Variants in ADGRL2 observed in about 807,000 individuals in gnomAD.
ADGRL2 encodes adhesion G protein-coupled receptor L2, also known as calcium-independent alpha-latrotoxin receptor 2.
ADGRL2 carries 44 observed loss-of-function variants against 157.4 expected under a neutral mutation model. The ratio of observed to expected loss-of-function variants is 0.28; its 90% CI spans 0.22 to 0.36. The LOEUF (loss-of-function observed/expected upper bound fraction) is 0.36, where lower values mean the gene tolerates loss of function less well. Among genes scored for constraint, ADGRL2 ranks in the 10% least tolerant of loss-of-function variants. The pLI, the probability that ADGRL2 is intolerant of heterozygous loss-of-function variation, is 1.00. For missense variants in ADGRL2, 1,510 were observed against 1,768.9 expected (o/e 0.85, Z 2.63); for synonymous variants, 585 against 624.7 (o/e 0.94, Z 0.95).
At chr1:81,987,411 A>T (rs1177728529) in intron 22 of ADGRL2, 1 of 940,540 alleles carries the variant, frequency 1.1e-6, no homozygotes, top group South Asian at 1.3e-5. Flanking sequence ...TTCTGGAATG[A>T]ATTAGCTAAT....
intron 3 of ADGRL2, among the ~76,000 whole-genome samples, chr1:81,607,101 G>A (rs568854022): frequency 2.3e-4 from 35 of 151,976 alleles, no homozygotes; most frequent in African/African-American, 8.4e-4. Flanking sequence ...TTGAATCCTG[G>A]TTATAATACC....
rs111420385 is a variant in ADGRL2, at chr1:81,404,741, T to A, written c.-301-40295T>A. On this transcript the variant is annotated intron_variant, in intron 1 of 24. Coordinates refer to the ADGRL2 transcript ENST00000370721. ...ACTAATACATTTCTCCAGGTGGAGA[T>A]TTAGATCTCTTCTTCCTTTTCCTTC... Among the ~76,000 whole-genome samples the A allele has an allele frequency of 1.1e-3, 172 of 152,324 alleles. 1 individual carries two copies. The highest frequency in any genetic ancestry group is 3.9e-3 in the African/African-American group (163 of 41,588).
chr1:81,511,886 G>A (rs1471929006), intron 2 of ADGRL2, among the ~76,000 whole-genome samples: 1 of 152,030 alleles, frequency 6.6e-6, no homozygotes, highest in Non-Finnish European at 1.5e-5. Context: ...TCAGTAAAGG[G>A]TGAGAAGTTG....
At chr1:81,427,050 A>C (rs1274045631) in intron 1 of ADGRL2, 3 of 1,299,406 alleles carry the variant, frequency 2.3e-6, no homozygotes, top group South Asian at 2.4e-5. Context: ...GAAATACCAC[A>C]CTATTAATGG....
At chr1:81,695,358 G>A (rs2083421656), upstream of ADGRL2, among the ~76,000 whole-genome samples, 1 of 151,896 alleles carries the variant, frequency 6.6e-6, no homozygotes, top group South Asian at 2.1e-4. Flanking sequence ...CACTGGAATA[G>A]TAAAAATTAC....
intron 2 of ADGRL2, among the ~76,000 whole-genome samples, chr1:81,580,143 C>G (rs1010771900): frequency 6.6e-6 from 1 of 152,090 alleles, no homozygotes; most frequent in African/African-American, 2.4e-5. Context: ...CCAGACTTAA[C>G]CATAGAGAAG....
intron 2 of ADGRL2, among the ~76,000 whole-genome samples, chr1:81,456,552 A>G (rs1230346092): frequency 6.6e-6 from 1 of 151,976 alleles, no homozygotes; most frequent in Admixed American, 6.6e-5. Context: ...TTTTTATTCA[A>G]GTCATTATTT....
chr1:81,764,874 G>C (rs951705008), intron 2 of ADGRL2, among the ~76,000 whole-genome samples: 2 of 152,030 alleles, frequency 1.3e-5, no homozygotes, highest in African/African-American at 4.8e-5. Context: ...AACATTGAGA[G>C]ACTTGGAGTC....
chr1:81,976,750 C>T (rs183653196), intron 17 of ADGRL2, among the ~76,000 whole-genome samples: 260 of 151,858 alleles, frequency 1.7e-3, no homozygotes, highest in Admixed American at 3.3e-3. Flanking sequence ...GGAGTAGAAG[C>T]GTGGCCAATT....
chr1:81,771,454 T>C (rs949455356), intron 2 of ADGRL2, among the ~76,000 whole-genome samples: 2 of 152,172 alleles, frequency 1.3e-5, no homozygotes, highest in Non-Finnish European at 2.9e-5. Context: ...AAAATAGATA[T>C]ATCCTTATCA....
chr1:81,392,125 G>A (rs990333360), intron 1 of ADGRL2, among the ~76,000 whole-genome samples: 4 of 151,872 alleles, frequency 2.6e-5, no homozygotes, highest in African/African-American at 9.7e-5. Context: ...TGCCTCCACA[G>A]GTAAAGGGTG....
intron 1 of ADGRL2, among the ~76,000 whole-genome samples, chr1:81,408,820 T>C (rs1275279733): frequency 6.6e-6 from 1 of 152,220 alleles, no homozygotes; most frequent in Admixed American, 6.5e-5. Flanking sequence ...TCCTAAATTA[T>C]AGCTGGATTT....
At chr1:81,905,895 A>G (rs2094573812) in intron 2 of ADGRL2, among the ~76,000 whole-genome samples, 1 of 151,622 alleles carries the variant, frequency 6.6e-6, no homozygotes, top group Non-Finnish European at 1.5e-5. Context: ...TTTAAGCTGA[A>G]TTATTTGTAT....
chr1:81,667,170 C>A (rs555612938), intron 3 of ADGRL2, among the ~76,000 whole-genome samples: 1 of 152,166 alleles, frequency 6.6e-6, no homozygotes, highest in South Asian at 2.1e-4. Flanking sequence ...CTAAATAATC[C>A]CTACACTGGC....
intron 3 of ADGRL2, among the ~76,000 whole-genome samples, chr1:81,590,251 A>G (rs1359309): frequency 0.22 from 33,865 of 152,112 alleles, 3,936 homozygotes; most frequent in Non-Finnish European, 0.25. Flanking sequence ...ATGACTTTCC[A>G]TTGAGACATC....
intron 1 of ADGRL2, among the ~76,000 whole-genome samples, chr1:81,822,212 T>C (rs180836604): frequency 8.0e-4 from 121 of 150,612 alleles, no homozygotes; most frequent in Non-Finnish European, 1.2e-3. Flanking sequence ...TTTTGAAAGA[T>C]GATAAAAGTG....
At chr1:81,967,908 C>A in intron 13 of ADGRL2, 118 bp from the exon 14 acceptor site, 1 of 840,472 alleles carries the variant, frequency 1.2e-6, no homozygotes, top group Non-Finnish European at 1.9e-6. Flanking sequence ...TGATGAAAAA[C>A]TTTATAGTCT....
intron 1 of ADGRL2, among the ~76,000 whole-genome samples, chr1:81,391,408 C>T (rs1301011782): frequency 1.3e-5 from 2 of 152,298 alleles, no homozygotes; most frequent in Admixed American, 6.5e-5. Flanking sequence ...GCTCTCTCTA[C>T]CAATGTATGC....
intron 1 of ADGRL2, among the ~76,000 whole-genome samples, chr1:81,731,115 C>T (rs138628782): frequency 2.4e-4 from 36 of 152,260 alleles, no homozygotes; most frequent in African/African-American, 8.2e-4. Context: ...AATTTGACGT[C>T]AGGAAGCCAT....
Sources: gnomAD v4.1 joint callset for allele counts (sites outside exome capture counted in the v4.1 genomes callset) on GRCh38, gnomAD v4.1.1 for gene constraint, MANE v1.5 for transcripts, NCBI Gene and HGNC (gene_info 2026-07-23, HGNC 2026-07-21) for gene names.